The following XPO6 variants were observed in gnomAD, a reference collection of about 807,000 sequenced individuals.
XPO6 encodes exportin 6, also known as exportin-6.
XPO6 carries 3 observed loss-of-function variants against 130.0 expected under a neutral mutation model. That is an observed-to-expected ratio of 0.02 (90% CI 0.01 to 0.06). XPO6 has a LOEUF of 0.06. XPO6 is among the 10% of genes least tolerant of loss of function. XPO6 has a pLI of 1.00. For synonymous variants in XPO6, 524 were observed against 548.9 expected (o/e 0.95, Z 0.63); for missense variants, 970 against 1,393.0 (o/e 0.70, Z 4.83).
At chr16:28,198,228 G>A (rs969664637) in intron 1 of XPO6, among the ~76,000 whole-genome samples, 5 of 152,028 alleles carry the variant, frequency 3.3e-5, no homozygotes, top group Admixed American at 2.6e-4. Flanking sequence ...AGAAAAAAGT[G>A]CATTTACAGT....
At chr16:28,206,139 TACACACACACACAC>T (rs138219018) in intron 1 of XPO6, among the ~76,000 whole-genome samples, 167 of 142,840 alleles carry the variant, frequency 1.2e-3, no homozygotes, top group African/African-American at 3.8e-3. Flanking sequence ...TAGAAAGCAA[TACACACACACACAC>T]ACACACACAC....
chr16:28,176,011 G>A lies in XPO6; in HGVS notation c.292C>T (p.His98Tyr). 6.2e-7 allele frequency: 1 copy of A among 1,614,172 alleles called. No individual in the cohort carries two copies. Among genetic ancestry groups the A allele is most frequent in the Non-Finnish European group, 8.5e-7 (1 of 1,180,030 alleles). The change falls in exon 4 of 24, where the codon CAC becomes TAC. Residue 98 changes from histidine to tyrosine, a missense_variant. Physicochemically the swap from His to Tyr is moderately conservative, Grantham distance 83. This residue lies in a region of XPO6 where 936 missense variants were observed against 1,306.8 expected (regional missense o/e 0.72). Transcript: ENST00000304658. ...RSCLPKLLLA[H>Y]HKTLPYFIRN... ...ATAAAGTAAGGTAAGGTTTTATGGTGAGCCAAAAGGAGTTTGGGCAGACAG... is the reference window on the plus strand; with the variant it reads ...ATAAAGTAAGGTAAGGTTTTATGGTAAGCCAAAAGGAGTTTGGGCAGACAG...
In XPO6 at chr16:28,169,811, C is replaced by T. The variant is rs538537847; in HGVS notation, c.504G>A (p.Arg168=). The T allele has an allele frequency of 1.2e-6, 2 of 1,614,142 alleles. No individual in the cohort carries two copies. Among genetic ancestry groups the T allele is most frequent in the South Asian group, 2.2e-5 (2 of 91,082 alleles). The part of the protein sequence containing the change: ...ACPREDLSVA[R]KEELRKLLLD... ...GTAGCAGCTTCCGCAACTCCTCCTT[C>T]CGAGCCACACTGAGGTCCTCACGGG... The change falls in exon 5 of 24, where the codon CGG becomes CGA. Residue 168 remains arginine (R), a synonymous_variant. Transcript: ENST00000304658.
chr16:28,106,170 C>A lies in XPO6; in HGVS notation c.2657G>T (p.Cys886Phe). 1.9e-6 allele frequency: 3 copies of A among 1,614,202 alleles called. No homozygotes were observed. Among genetic ancestry groups the A allele is most frequent in the Non-Finnish European group, 2.5e-6 (3 of 1,180,046 alleles). Residue 886 changes from cysteine (C) to phenylalanine (F), a missense_variant, in exon 20 of 24, where the codon TGC (cysteine) becomes TTC (phenylalanine). This residue lies in a region of XPO6 where 936 missense variants were observed against 1,306.8 expected (regional missense o/e 0.72). Coordinates refer to ENST00000304658, the MANE Select transcript of XPO6 (RefSeq NM_015171.4). This position sits in a 1 kb window ranked among gnomAD's most constrained non-coding sequence, Gnocchi z 4.2. ...CTTCAGAAACTTCTCCACCACCCGG[C>A]AGCCTGTGCTGCCCTCGTGGAGGAT... The part of the protein sequence containing the change: ...ESILHEGSTG[C>F]RVVEKFLKIL...
At chr16:28,142,328 A>G (rs539977400) in intron 9 of XPO6, among the ~76,000 whole-genome samples, 4 of 152,354 alleles carry the variant, frequency 2.6e-5, no homozygotes, top group South Asian at 4.1e-4. Flanking sequence ...GCAAAACAGC[A>G]TATCTCTGAT....
At chr16:28,159,276 A>G (rs1449454211) in intron 6 of XPO6, among the ~76,000 whole-genome samples, 1 of 152,088 alleles carries the variant, frequency 6.6e-6, no homozygotes, top group Non-Finnish European at 1.5e-5. Flanking sequence ...TAACAAGAAG[A>G]AAAATTTCCT....
intron 1 of XPO6, among the ~76,000 whole-genome samples, chr16:28,197,430 T>C (rs1303729679): frequency 6.6e-6 from 1 of 152,164 alleles, no homozygotes; most frequent in Non-Finnish European, 1.5e-5. Flanking sequence ...ATCTAACTTG[T>C]TGATAAGTTT....
rs192594030 is a variant in XPO6 at position 28,195,076 on chromosome 16, C to T, written c.4-14045G>A. Among the ~76,000 whole-genome samples, 477 of 151,962 alleles carry T rather than the reference C, an allele frequency of 3.1e-3. 5 individuals carry two copies. Among genetic ancestry groups the T allele is most frequent in the African/African-American group, 0.011 (463 of 41,414 alleles). On this transcript the variant is annotated intron_variant, in intron 1 of 23. Transcript: ENST00000304658. ...TCACTCCTTGTGGGCTTCAACATGA[C>T]ACCGACCATAATGAACTGAAATTAC...
intron 9 of XPO6, among the ~76,000 whole-genome samples, chr16:28,136,510 G>A (rs189041993): frequency 7.0e-4 from 107 of 152,212 alleles, no homozygotes; most frequent in African/African-American, 2.5e-3. Context: ...GTGATCCCGC[G>A]CCCAGCACCA....
In XPO6 at chr16:28,148,788, T is replaced by C. The variant is rs2043029626; in HGVS notation, c.1225-2585A>G. Among the ~76,000 whole-genome samples, 5 of 152,062 alleles carry C rather than the reference T, an allele frequency of 3.3e-5. 1 individual carries two copies. The highest frequency in any genetic ancestry group is 1.2e-4 in the African/African-American group (5 of 41,410). On this transcript the variant is annotated intron_variant, in intron 8 of 23. Transcript: ENST00000304658. ...CAGGCACGGTGGTTCACACCTGTAA[T>C]CCCAGCACTTTGGGAGGCTGAGTCA...
At chr16:28,114,613 G>A (rs1235951195) in intron 15 of XPO6, among the ~76,000 whole-genome samples, 1 of 152,206 alleles carries the variant, frequency 6.6e-6, no homozygotes, top group African/African-American at 2.4e-5. Flanking sequence ...TCTTTTTGCT[G>A]GTGAAGGGTC....
intron 4 of XPO6, among the ~76,000 whole-genome samples, chr16:28,171,808 A>G (rs1430432396): frequency 2.6e-5 from 4 of 152,086 alleles, no homozygotes; most frequent in African/African-American, 9.7e-5. Context: ...TCTTCACACA[A>G]TGAAATAGAA....
At chr16:28,156,878 A>C (rs982383556) in intron 6 of XPO6, among the ~76,000 whole-genome samples, 2 of 152,136 alleles carry the variant, frequency 1.3e-5, no homozygotes, top group African/African-American at 4.8e-5. Flanking sequence ...CAAAACCCCA[A>C]ATCCACTCAA....
intron 1 of XPO6, among the ~76,000 whole-genome samples, chr16:28,196,312 T>C (rs1209074927): frequency 1.3e-5 from 2 of 152,184 alleles, no homozygotes; most frequent in African/African-American, 4.8e-5. Flanking sequence ...CATTCGGAGA[T>C]AAGGAAGGAC....
In XPO6 at chr16:28,101,742, G is replaced by A. The variant is rs13338974; in HGVS notation, c.3046-54C>T. 4.1e-3 allele frequency: 6,556 copies of A among 1,585,054 alleles called. 93 individuals are homozygous for A. In the African/African-American group the frequency reaches 0.047, roughly 11 times the overall value. Reference sequence around the variant, plus strand: ...AGCCAGCCCCCAGGGGCCTGTCCCGGGTCCCATCCACTTTCTGTCACACTC... The same window carrying A: ...AGCCAGCCCCCAGGGGCCTGTCCCGAGTCCCATCCACTTTCTGTCACACTC... On this transcript the variant is annotated intron_variant, in intron 22 of 23. Coordinates refer to ENST00000304658, the MANE Select transcript of XPO6 (RefSeq NM_015171.4). The surrounding 1 kb of genome is among the most constrained non-coding windows in gnomAD (Gnocchi z 5.4).
At position 28,211,697 on chromosome 16, in the gene XPO6, G is replaced by C; in HGVS notation, c.-329C>G. The C allele has an allele frequency of 2.6e-6, 1 of 389,832 alleles. No individual in the cohort carries two copies. The highest frequency in any genetic ancestry group is 3.6e-5 in the East Asian group (1 of 27,564). The allele number at this position is 389,832 out of a possible 1,614,324, so 24.1% of individuals were successfully genotyped here. A position where few individuals can be genotyped will look rare whatever the true frequency, so the allele number is the denominator to read the frequency against. The stretch of plus-strand genomic sequence containing the variant: ...CCCGACCCCCGCGGGGGAGGCTGCG[G>C]GCCCAGGCAGGGGCTCCCCGGCCTC... On this transcript the variant is annotated 5_prime_UTR_variant, in exon 1 of 24. Coordinates refer to ENST00000304658, the MANE Select transcript of XPO6 (RefSeq NM_015171.4).
chr16:28,125,155 G>A (rs549165880), intron 13 of XPO6, among the ~76,000 whole-genome samples: 22 of 152,292 alleles, frequency 1.4e-4, no homozygotes, highest in African/African-American at 2.9e-4. Flanking sequence ...ACCACCTTTC[G>A]GGCCAGGCGT....
intron 7 of XPO6, 135 bp downstream of exon 7, chr16:28,155,939 C>T: frequency 7.0e-7 from 1 of 1,438,322 alleles, no homozygotes; most frequent in Admixed American, 2.9e-5. Context: ...TACTGGCACA[C>T]ACCTACCTTT....
intron 1 of XPO6, among the ~76,000 whole-genome samples, chr16:28,206,053 A>AAAC (rs386384586): frequency 6.6e-6 from 1 of 150,954 alleles, no homozygotes; most frequent in Non-Finnish European, 1.5e-5. Flanking sequence ...AAAAAAAAAA[A>AAAC]ACTGCCTCTA....
Sources: gnomAD v4.1 joint callset for allele counts (sites outside exome capture counted in the v4.1 genomes callset) on GRCh38, gnomAD v4.1.1 for gene constraint, gnomAD v4.1.1 regional missense constraint, Gnocchi (gnomAD v3.1) non-coding constraint, MANE v1.5 for transcripts, NCBI Gene and HGNC (gene_info 2026-07-23, HGNC 2026-07-21) for gene names.